FRMD1: variants seen among roughly 807,000 people sequenced by gnomAD.
FRMD1 encodes the protein FERM domain containing 1.
A neutral mutation model predicts 54.9 loss-of-function variants in FRMD1; 51 were observed. The observed-to-expected ratio is 0.93, with a 90% CI of 0.74 to 1.17. FRMD1 has a LOEUF of 1.17. FRMD1 is among the 50% of genes most tolerant of loss of function. The probability of loss-of-function intolerance (pLI) is 0.00; values close to 1 mark genes in which losing one functional copy is unlikely to be tolerated. For synonymous variants in FRMD1, 324 were observed against 306.4 expected, an observed-to-expected ratio of 1.06 and a Z score of -0.60; for missense variants, 729 against 743.0, an observed-to-expected ratio of 0.98 and a Z score of 0.22.
intron 9 of FRMD1, 114 bp downstream of exon 9, chr6:168,060,647 G>A (rs1799671060): frequency 1.9e-6 from 2 of 1,057,762 alleles, no homozygotes; most frequent in East Asian, 5.2e-5. Context: ...CTCACGTCTG[G>A]CCACTGGAGG....
chr6:168,068,834 C>T (rs920043763), intron 2 of FRMD1, among the ~76,000 whole-genome samples: 2 of 152,224 alleles, frequency 1.3e-5, no homozygotes, highest in South Asian at 4.1e-4. Context: ...AATGAAGACA[C>T]CAGTGAGGAA....
At chr6:168,077,323 A>C (rs1307010884) in intron 1 of FRMD1, among the ~76,000 whole-genome samples, 2 of 148,696 alleles carry the variant, frequency 1.3e-5, no homozygotes, top group Admixed American at 6.7e-5. Flanking sequence ...GACGACTGCA[A>C]ACCCCAATGA....
intron 4 of FRMD1, 162 bp downstream of exon 4, chr6:168,066,593 T>C: frequency 7.1e-7 from 1 of 1,416,478 alleles, no homozygotes; most frequent in Non-Finnish European, 9.2e-7. Context: ...ATAGAATTCC[T>C]GTGTTAACCC....
chr6:168,062,057 G>A, intron 7 of FRMD1, 76 bp from the exon 8 acceptor site: 1 of 1,464,718 alleles, frequency 6.8e-7, no homozygotes, highest in Non-Finnish European at 9.2e-7. Flanking sequence ...GATTTTAAAT[G>A]TCAGCCATGG....
intron 1 of FRMD1, among the ~76,000 whole-genome samples, chr6:168,086,728 G>A (rs981777671): frequency 2.6e-5 from 4 of 152,078 alleles, no homozygotes; most frequent in African/African-American, 4.8e-5. Flanking sequence ...CACCCCCCTC[G>A]GCATCCCCAT....
At chr6:168,081,596 A>C (rs910348677), upstream of FRMD1, 18 of 1,319,186 alleles carry the variant, frequency 1.4e-5, no homozygotes, top group African/African-American at 1.6e-4. Context: ...CAAGCTTCGG[A>C]GCTCTAGGTC....
At position 168,073,351 on chromosome 6, in the gene FRMD1, C is replaced by A. The variant is rs548405944; in HGVS notation, c.304+1894G>T. Among the ~76,000 whole-genome samples, 378 of 152,352 alleles carry A rather than the reference C, an allele frequency of 2.5e-3. 1 individual carries two copies. Among genetic ancestry groups the A allele is most frequent in the African/African-American group, 8.1e-3 (338 of 41,584 alleles). On this transcript the variant is annotated intron_variant, in intron 2 of 10. Transcript: ENST00000283309. ...ACAGGAAGCCCCAGATCCACACCTG[C>A]CCTCAGGGGCTCATGGTGTCCACTC...
intron 4 of FRMD1, 112 bp from the exon 5 acceptor site, chr6:168,065,169 G>C: frequency 6.9e-7 from 1 of 1,445,676 alleles, no homozygotes; most frequent in Non-Finnish European, 9.1e-7. Context: ...CTGAGCCCCT[G>C]GTACCTAGTT....
upstream of FRMD1, among the ~76,000 whole-genome samples, chr6:168,083,649 T>A (rs1800874434): frequency 1.3e-5 from 2 of 152,186 alleles, no homozygotes; most frequent in South Asian, 2.1e-4. Context: ...AAGGCCCCTC[T>A]GCCCCTTGGG....
At chr6:168,083,409 A>G (rs1344366878), upstream of FRMD1, among the ~76,000 whole-genome samples, 1 of 152,202 alleles carries the variant, frequency 6.6e-6, no homozygotes, top group Non-Finnish European at 1.5e-5. Flanking sequence ...GCCGGCAGGA[A>G]CCGCCCCAAC....
chr6:168,075,774 C>T, intron 1 of FRMD1: 1 of 1,550,874 alleles, frequency 6.4e-7, no homozygotes, highest in Non-Finnish European at 8.7e-7. Flanking sequence ...GTGATCCCAA[C>T]AGTGTTCCTA....
At chr6:168,086,618 G>T (rs1304312789) in intron 1 of FRMD1, among the ~76,000 whole-genome samples, 2 of 151,932 alleles carry the variant, frequency 1.3e-5, no homozygotes, top group Non-Finnish European at 2.9e-5. Context: ...CATCTTCAGT[G>T]TGGACACCCA....
chr6:168,088,257 C>A (rs761994893), intron 1 of FRMD1, among the ~76,000 whole-genome samples: 69 of 152,340 alleles, frequency 4.5e-4, no homozygotes, highest in South Asian at 1.7e-3. Context: ...CCACCACCCT[C>A]CCGCCGTCAC....
upstream of FRMD1, among the ~76,000 whole-genome samples, chr6:168,082,878 G>A (rs1800859556): frequency 6.6e-6 from 1 of 152,204 alleles, no homozygotes; most frequent in African/African-American, 2.4e-5. Context: ...TACAGGGCCT[G>A]GGGCAAGGTG....
At chr6:168,075,201 C>A (rs766245758) in intron 2 of FRMD1, 44 bp downstream of exon 2, 1 of 1,547,834 alleles carries the variant, frequency 6.5e-7, no homozygotes, top group Non-Finnish European at 8.9e-7. Flanking sequence ...CCAGCAGATG[C>A]GGCCCCTGGG....
chr6:168,084,340 A>G (rs1284228640), upstream of FRMD1, among the ~76,000 whole-genome samples: 1 of 152,250 alleles, frequency 6.6e-6, no homozygotes, highest in Non-Finnish European at 1.5e-5. Flanking sequence ...CGCGTGTCGG[A>G]TTATGATGGA....
intron 1 of FRMD1, chr6:168,075,980 G>C: frequency 1.8e-6 from 2 of 1,081,556 alleles, no homozygotes; most frequent in South Asian, 3.0e-5. Flanking sequence ...CATTTCCGGC[G>C]TCTCGCATGT....
At chr6:168,086,585 C>T (rs1800925266) in intron 1 of FRMD1, among the ~76,000 whole-genome samples, 1 of 80,234 alleles carries the variant, frequency 1.2e-5, no homozygotes, top group Non-Finnish European at 3.4e-5. Context: ...TGGACACTGC[C>T]CATGTTCCAG....
At chr6:168,089,659 G>A (rs998495652) in intron 1 of FRMD1, among the ~76,000 whole-genome samples, 2 of 152,252 alleles carry the variant, frequency 1.3e-5, no homozygotes, top group South Asian at 4.1e-4. Flanking sequence ...CACTGGGGCA[G>A]GCCCCGTCTG....
Sources: gnomAD v4.1 joint callset for allele counts (sites outside exome capture counted in the v4.1 genomes callset) on GRCh38, gnomAD v4.1.1 for gene constraint, MANE v1.5 for transcripts, NCBI Gene and HGNC (gene_info 2026-07-23, HGNC 2026-07-21) for gene names.